The following KALRN variants were observed in gnomAD, a reference collection of about 807,000 sequenced individuals.
KALRN encodes kalirin.
KALRN carries 70 observed loss-of-function variants against 353.7 expected under a neutral mutation model. The ratio of observed to expected loss-of-function variants is 0.20; its 90% CI spans 0.16 to 0.24. The LOEUF is 0.24. Ranked by LOEUF, KALRN falls within the 10% of genes least tolerant of loss-of-function variation. The pLI is 1.00. For synonymous variants in KALRN, 1,391 were observed against 1,434.8 expected (o/e 0.97, Z 0.69); for missense variants, 2,791 against 3,756.7 (o/e 0.74, Z 6.72).
At chr3:124,287,362 C>T (rs1320452095) in intron 5 of KALRN, among the ~76,000 whole-genome samples, 1 of 151,998 alleles carries the variant, frequency 6.6e-6, no homozygotes, top group African/African-American at 2.4e-5. Flanking sequence ...TAAGGTAGCT[C>T]CTCTGCATCT....
intron 37 of KALRN, among the ~76,000 whole-genome samples, chr3:124,647,412 C>T (rs1018080393): frequency 9.9e-5 from 15 of 152,186 alleles, no homozygotes; most frequent in Non-Finnish European, 2.1e-4. Context: ...TCCCAGGCTG[C>T]CCCCATGTCA....
intron 10 of KALRN, among the ~76,000 whole-genome samples, chr3:124,368,911 G>A (rs1304583110): frequency 2.0e-5 from 3 of 152,134 alleles, no homozygotes; most frequent in Non-Finnish European, 2.9e-5. Flanking sequence ...CCAGTCAGGC[G>A]TGGTGGCGCG....
At chr3:124,479,194 T>G (rs1367270533) in intron 27 of KALRN, among the ~76,000 whole-genome samples, 1 of 152,218 alleles carries the variant, frequency 6.6e-6, no homozygotes, top group Non-Finnish European at 1.5e-5. Flanking sequence ...CATCCCCATT[T>G]CTAGCCAATT....
intron 33 of KALRN, among the ~76,000 whole-genome samples, chr3:124,525,503 AAG>A (rs1341201215): frequency 1.3e-5 from 2 of 152,108 alleles, no homozygotes; most frequent in Non-Finnish European, 2.9e-5. Context: ...TTGATGTAGA[AAG>A]AGAGTTTAGA....
chr3:124,707,704 T>C (rs2062702519), intron 57 of KALRN, among the ~76,000 whole-genome samples: 2 of 152,154 alleles, frequency 1.3e-5, no homozygotes, highest in African/African-American at 4.8e-5. Flanking sequence ...TGTCACTGCT[T>C]CACCCCGAGG....
At chr3:124,137,778 G>C (rs866491400) in intron 1 of KALRN, among the ~76,000 whole-genome samples, 3 of 152,164 alleles carry the variant, frequency 2.0e-5, no homozygotes, top group Non-Finnish European at 4.4e-5. Context: ...TCTAGAGAAG[G>C]GAAAAGGCTA....
chr3:124,333,997 A>G (rs1417182215), intron 8 of KALRN, among the ~76,000 whole-genome samples: 1 of 152,228 alleles, frequency 6.6e-6, no homozygotes, highest in African/African-American at 2.4e-5. Flanking sequence ...CTGCCCTCAC[A>G]GTGCTGAAAT....
intron 3 of KALRN, among the ~76,000 whole-genome samples, chr3:124,248,326 G>A (rs1023891744): frequency 1.3e-5 from 2 of 152,210 alleles, no homozygotes; most frequent in African/African-American, 4.8e-5. Flanking sequence ...GCCAGACTGA[G>A]GTTTCCTTCA....
chr3:124,565,150 GT>G (rs1393705031), intron 34 of KALRN, among the ~76,000 whole-genome samples: 1 of 152,204 alleles, frequency 6.6e-6, no homozygotes, highest in East Asian at 1.9e-4. Flanking sequence ...AGGCTGAATT[GT>G]TTGTGCTGCA....
At chr3:124,370,333 C>T (rs912862887) in intron 10 of KALRN, among the ~76,000 whole-genome samples, 5 of 152,084 alleles carry the variant, frequency 3.3e-5, no homozygotes, top group Non-Finnish European at 2.9e-5. Flanking sequence ...AAAAAAATAA[C>T]CGTATTTAGC....
intron 5 of KALRN, among the ~76,000 whole-genome samples, chr3:124,271,934 G>A (rs1442155778): frequency 6.6e-6 from 1 of 152,174 alleles, no homozygotes; most frequent in Non-Finnish European, 1.5e-5. Flanking sequence ...TGCAGGAACA[G>A]AAAACCAAAT....
chr3:124,047,696 G>C (rs1374971324), intron 1 of KALRN, among the ~76,000 whole-genome samples: 1 of 150,736 alleles, frequency 6.6e-6, no homozygotes, highest in Non-Finnish European at 1.5e-5. Context: ...GTAGAGACAG[G>C]GTTTCACAGT....
intron 33 of KALRN, among the ~76,000 whole-genome samples, chr3:124,521,417 T>G (rs956535317): frequency 5.3e-5 from 8 of 152,154 alleles, no homozygotes; most frequent in African/African-American, 1.7e-4. Context: ...CCAGAAATGC[T>G]AGTTGCCCAA....
chr3:124,507,262 A>G (rs1345177204), intron 33 of KALRN, among the ~76,000 whole-genome samples: 1 of 152,162 alleles, frequency 6.6e-6, no homozygotes, highest in East Asian at 1.9e-4. Context: ...GCCTTTTTCC[A>G]CACAGTCTCT....
At chr3:124,658,318 G>A (rs2175740) in intron 41 of KALRN, 113 bp from the exon 42 acceptor site, 131,766 of 788,618 alleles carry the variant, frequency 0.17, 11,591 homozygotes, top group African/African-American at 0.25. Flanking sequence ...GCCTTGGTGC[G>A]TCCCCAAGTG....
chr3:124,330,246 T>A (rs62262829), intron 8 of KALRN, among the ~76,000 whole-genome samples: 231 of 134,364 alleles, frequency 1.7e-3, no homozygotes, highest in South Asian at 5.8e-3. Context: ...TCTCTCTCTC[T>A]CACACACACA....
intron 34 of KALRN, among the ~76,000 whole-genome samples, chr3:124,583,822 C>A (rs1349452359): frequency 1.3e-5 from 2 of 152,136 alleles, no homozygotes; most frequent in East Asian, 1.9e-4. Flanking sequence ...CCACCTCCTA[C>A]CTACTAAATC....
chr3:124,340,295 G>A (rs2081558387), intron 9 of KALRN, among the ~76,000 whole-genome samples: 1 of 152,134 alleles, frequency 6.6e-6, no homozygotes, highest in Non-Finnish European at 1.5e-5. Flanking sequence ...GCTGAGGTGA[G>A]CGGATTGCCT....
intron 37 of KALRN, among the ~76,000 whole-genome samples, chr3:124,637,726 G>A (rs567764215): frequency 1.1e-4 from 16 of 152,198 alleles, no homozygotes; most frequent in South Asian, 6.2e-4. Flanking sequence ...GCCTTCCAGC[G>A]TGCAAAGTCT....
Sources: gnomAD v4.1 joint callset for allele counts (sites outside exome capture counted in the v4.1 genomes callset) on GRCh38, gnomAD v4.1.1 for gene constraint, MANE v1.5 for transcripts, NCBI Gene and HGNC (gene_info 2026-07-23, HGNC 2026-07-21) for gene names.